KLHL1: variants seen among roughly 807,000 people sequenced by gnomAD.
KLHL1 encodes the protein kelch-like protein 1.
In KLHL1, 47 loss-of-function variants were observed where a neutral mutation model predicts 77.7. The observed-to-expected ratio is 0.60, with a 90% CI of 0.48 to 0.77. KLHL1 has a LOEUF of 0.77. Among genes scored for constraint, KLHL1 ranks in the 30% least tolerant of loss-of-function variants. The pLI is 0.00. For missense variants in KLHL1, 925 were observed against 910.8 expected (o/e 1.02, Z -0.20); for synonymous variants, 360 against 325.2 (o/e 1.11, Z -1.15).
At chr13:69,789,047 C>T (rs1368008446) in intron 7 of KLHL1, among the ~76,000 whole-genome samples, 1 of 130,848 alleles carries the variant, frequency 7.6e-6, no homozygotes, top group Non-Finnish European at 1.7e-5. Flanking sequence ...ATCTATCTAT[C>T]TATCTATCTA....
intron 4 of KLHL1, among the ~76,000 whole-genome samples, chr13:69,890,268 G>A (rs79219994): frequency 0.011 from 1,653 of 152,084 alleles, 13 homozygotes; most frequent in Middle Eastern, 0.044. Context: ...AATAGATCAT[G>A]GATTCGGAAA....
At chr13:69,872,200 A>G (rs1228041091) in intron 5 of KLHL1, among the ~76,000 whole-genome samples, 1 of 152,204 alleles carries the variant, frequency 6.6e-6, no homozygotes, top group Non-Finnish European at 1.5e-5. Flanking sequence ...GTAAGCCAGC[A>G]TGTGCATAGA....
intron 8 of KLHL1, among the ~76,000 whole-genome samples, chr13:69,725,742 A>G (rs1432673318): frequency 1.3e-5 from 2 of 152,198 alleles, no homozygotes; most frequent in African/African-American, 2.4e-5. Context: ...GTTGTAGCTT[A>G]GTGAAATCCT....
intron 3 of KLHL1, among the ~76,000 whole-genome samples, chr13:69,956,958 C>A (rs1232184975): frequency 6.6e-6 from 1 of 151,592 alleles, no homozygotes; most frequent in Non-Finnish European, 1.5e-5. Context: ...TGCTACTTCT[C>A]GAGGTGATTT....
At chr13:69,908,997 G>A (rs76743567) in intron 4 of KLHL1, among the ~76,000 whole-genome samples, 1 of 149,198 alleles carries the variant, frequency 6.7e-6, no homozygotes, top group Admixed American at 6.7e-5. Flanking sequence ...GGCAAATTTA[G>A]TTCCTAAATA....
At chr13:69,959,459 T>G (rs1287318047) in intron 3 of KLHL1, among the ~76,000 whole-genome samples, 2 of 151,848 alleles carry the variant, frequency 1.3e-5, no homozygotes, top group Non-Finnish European at 2.9e-5. Flanking sequence ...CAAATTGAAA[T>G]TGACCAAGAT....
chr13:70,023,035 G>A (rs944240461), intron 1 of KLHL1, among the ~76,000 whole-genome samples: 4 of 151,916 alleles, frequency 2.6e-5, no homozygotes, highest in African/African-American at 4.8e-5. Context: ...TCTGGTTAAA[G>A]AATGTTCTTC....
chr13:69,864,580 C>T (rs1021504756), intron 5 of KLHL1, among the ~76,000 whole-genome samples: 2 of 152,014 alleles, frequency 1.3e-5, no homozygotes, highest in African/African-American at 4.8e-5. Context: ...AAATCAAATT[C>T]AATTTTTCAA....
At chr13:70,099,737 G>A (rs1887879122) in intron 1 of KLHL1, among the ~76,000 whole-genome samples, 1 of 151,896 alleles carries the variant, frequency 6.6e-6, no homozygotes, top group Non-Finnish European at 1.5e-5. Flanking sequence ...TTTAATGAAA[G>A]TTGTTAATTA....
chr13:69,856,959 T>C (rs959810290), intron 5 of KLHL1, among the ~76,000 whole-genome samples: 1 of 152,040 alleles, frequency 6.6e-6, no homozygotes, highest in Non-Finnish European at 1.5e-5. Flanking sequence ...ACCTAACTTG[T>C]CTACCGTTCC....
intron 9 of KLHL1, among the ~76,000 whole-genome samples, chr13:69,718,412 GT>G (rs35916434): frequency 0.53 from 81,005 of 151,422 alleles, 22,082 homozygotes; most frequent in East Asian, 0.68. Context: ...AATATTCTAG[GT>G]TTTTTTTTCA....
intron 8 of KLHL1, among the ~76,000 whole-genome samples, chr13:69,725,677 C>T (rs937485481): frequency 6.6e-6 from 1 of 152,128 alleles, no homozygotes; most frequent in African/African-American, 2.4e-5. Flanking sequence ...GAGGATTTTG[C>T]AATAGACATC....
At chr13:69,713,203 A>G (rs1875961955) in intron 9 of KLHL1, among the ~76,000 whole-genome samples, 1 of 152,162 alleles carries the variant, frequency 6.6e-6, no homozygotes, top group South Asian at 2.1e-4. Context: ...AGTTTGATTC[A>G]TATGAAATTA....
At chr13:70,010,032 A>G (rs1885495160) in intron 1 of KLHL1, among the ~76,000 whole-genome samples, 2 of 147,472 alleles carry the variant, frequency 1.4e-5, no homozygotes, top group Non-Finnish European at 3.0e-5. Context: ...CAAGAAGGAG[A>G]AAAAAAAAAG....
intron 7 of KLHL1, among the ~76,000 whole-genome samples, chr13:69,792,540 C>T (rs1876916172): frequency 6.6e-6 from 1 of 151,990 alleles, no homozygotes; most frequent in Admixed American, 6.6e-5. Context: ...ACTCAATAAT[C>T]CCACACCTAC....
At chr13:69,706,370 T>C (rs1261726683) in intron 10 of KLHL1, among the ~76,000 whole-genome samples, 1 of 151,876 alleles carries the variant, frequency 6.6e-6, no homozygotes, top group Non-Finnish European at 1.5e-5. Flanking sequence ...AGTCTAGCCA[T>C]TAGGAATTTG....
At chr13:69,947,859 T>C (rs953749125) in intron 3 of KLHL1, among the ~76,000 whole-genome samples, 1 of 152,090 alleles carries the variant, frequency 6.6e-6, no homozygotes, top group African/African-American at 2.4e-5. Context: ...GACTTAAAAG[T>C]TAACTTTTAA....
intron 1 of KLHL1, among the ~76,000 whole-genome samples, chr13:70,023,907 AG>A (rs1885866633): frequency 6.6e-6 from 1 of 151,992 alleles, no homozygotes; most frequent in Non-Finnish European, 1.5e-5. Flanking sequence ...TAGTAAGTTT[AG>A]TAACTTACTA....
intron 4 of KLHL1, among the ~76,000 whole-genome samples, chr13:69,911,063 C>G (rs1349545737): frequency 6.6e-6 from 1 of 152,084 alleles, no homozygotes; most frequent in African/African-American, 2.4e-5. Flanking sequence ...AGAAGGTACA[C>G]TAGACAACTG....
Sources: gnomAD v4.1 joint callset for allele counts (sites outside exome capture counted in the v4.1 genomes callset) on GRCh38, gnomAD v4.1.1 for gene constraint, MANE v1.5 for transcripts, NCBI Gene and HGNC (gene_info 2026-07-23, HGNC 2026-07-21) for gene names.